MAF: variants seen among roughly 807,000 people sequenced by gnomAD.
MAF encodes the protein MAF bZIP transcription factor.
A neutral mutation model predicts 22.0 loss-of-function variants in MAF; 10 were observed. That is an observed-to-expected ratio of 0.45 (90% CI 0.28 to 0.77). The LOEUF (loss-of-function observed/expected upper bound fraction) is 0.77. Ranked by LOEUF, MAF falls within the 30% of genes least tolerant of loss-of-function variation. MAF has a pLI of 0.12. For missense variants in MAF, 544 were observed against 548.4 expected (o/e 0.99, Z 0.08); for synonymous variants, 337 against 255.8 (o/e 1.32, Z -3.03).
chr16:79,357,260 A>T, the MAF span, among the ~76,000 whole-genome samples: 33,122 of 130,586 alleles, frequency 0.25, 4,219 homozygotes, highest in Non-Finnish European at 0.31. Flanking sequence ...TGTCACAACA[A>T]CAACAACAAC....
chr16:79,219,928 A>G, the MAF span, among the ~76,000 whole-genome samples: 3 of 152,198 alleles, frequency 2.0e-5, no homozygotes, highest in African/African-American at 7.2e-5. Flanking sequence ...TCGTATTTAA[A>G]TAGAGTTAAT....
At chr16:79,443,225 C>A in the MAF span, among the ~76,000 whole-genome samples, 1 of 152,182 alleles carries the variant, frequency 6.6e-6, no homozygotes, top group Non-Finnish European at 1.5e-5. Context: ...TCCTCCTGGG[C>A]AAACTGTTAA....
the MAF span, among the ~76,000 whole-genome samples, chr16:79,361,857 G>C: frequency 2.6e-5 from 4 of 152,154 alleles, no homozygotes; most frequent in Non-Finnish European, 4.4e-5. Context: ...TTACAGAGAG[G>C]CATCTTGTCT....
At chr16:79,538,201 C>G in the MAF span, among the ~76,000 whole-genome samples, 2 of 152,084 alleles carry the variant, frequency 1.3e-5, no homozygotes, top group African/African-American at 4.8e-5. Context: ...GAGTTCTGTC[C>G]TATTTTAAGA....
the MAF span, among the ~76,000 whole-genome samples, chr16:79,409,221 A>G: frequency 6.6e-6 from 1 of 152,234 alleles, no homozygotes; most frequent in Non-Finnish European, 1.5e-5. Flanking sequence ...ATAGAAAAAA[A>G]CAATAATATT....
the MAF span, among the ~76,000 whole-genome samples, chr16:79,539,360 G>T: frequency 6.6e-6 from 1 of 152,078 alleles, no homozygotes; most frequent in Non-Finnish European, 1.5e-5. Flanking sequence ...GAAATTGGCC[G>T]GGCTTGGTGG....
chr16:79,380,922 T>C, the MAF span, among the ~76,000 whole-genome samples: 4 of 152,242 alleles, frequency 2.6e-5, no homozygotes, highest in African/African-American at 9.6e-5. Context: ...GCCTTCAGAC[T>C]GGCAATTATT....
the MAF span, among the ~76,000 whole-genome samples, chr16:79,343,472 C>T: frequency 1.3e-5 from 2 of 152,230 alleles, no homozygotes; most frequent in African/African-American, 4.8e-5. Flanking sequence ...TCCACGGAGT[C>T]CACAAAAAAT....
the MAF span, among the ~76,000 whole-genome samples, chr16:79,471,772 T>A: frequency 2.5e-4 from 38 of 152,224 alleles, no homozygotes; most frequent in Non-Finnish European, 5.4e-4. Flanking sequence ...TAAGTGGTCA[T>A]GTCAGGAATG....
chr16:79,352,378 G>A, the MAF span, among the ~76,000 whole-genome samples: 8 of 152,154 alleles, frequency 5.3e-5, no homozygotes, highest in Non-Finnish European at 1.0e-4. Context: ...CTGGGAGTAA[G>A]GAGGTGTCAT....
At chr16:79,572,297 T>C in the MAF span, among the ~76,000 whole-genome samples, 1 of 152,170 alleles carries the variant, frequency 6.6e-6, no homozygotes, top group Non-Finnish European at 1.5e-5. Flanking sequence ...TTGCCCTGCA[T>C]CTGCGATTGA....
chr16:79,552,630 C>G, the MAF span, among the ~76,000 whole-genome samples: 1 of 152,190 alleles, frequency 6.6e-6, no homozygotes, highest in Admixed American at 6.5e-5. Context: ...GCTCCCCTCC[C>G]CCTTGGGCCC....
At chr16:79,416,884 G>A in the MAF span, among the ~76,000 whole-genome samples, 185 of 152,166 alleles carry the variant, frequency 1.2e-3, 1 homozygote, top group Non-Finnish European at 8.8e-5. Context: ...GAAGATGGTA[G>A]ACAGCCTTTT....
At chr16:79,423,568 C>T in the MAF span, among the ~76,000 whole-genome samples, 1 of 152,228 alleles carries the variant, frequency 6.6e-6, no homozygotes, top group African/African-American at 2.4e-5. Flanking sequence ...TATTGGAATA[C>T]AGTCACACTC....
At chr16:79,382,645 T>C in the MAF span, among the ~76,000 whole-genome samples, 15 of 152,376 alleles carry the variant, frequency 9.8e-5, 1 homozygote, top group African/African-American at 3.6e-4. Context: ...ATTGGAATTA[T>C]CCATTCCATT....
At chr16:79,347,000 C>A in the MAF span, among the ~76,000 whole-genome samples, 2 of 152,090 alleles carry the variant, frequency 1.3e-5, no homozygotes, top group African/African-American at 4.8e-5. Flanking sequence ...ACAGATACAC[C>A]TGAATCTGAA....
the MAF span, among the ~76,000 whole-genome samples, chr16:79,444,280 A>G: frequency 6.6e-6 from 1 of 152,192 alleles, no homozygotes; most frequent in Admixed American, 6.5e-5. Flanking sequence ...GCCTAGGAGT[A>G]TGGACAATGC....
the MAF span, among the ~76,000 whole-genome samples, chr16:79,504,058 A>G: frequency 1.3e-5 from 2 of 152,146 alleles, no homozygotes; most frequent in Non-Finnish European, 2.9e-5. Context: ...AAGTTCTTCC[A>G]CTCATGTTCT....
the MAF span, among the ~76,000 whole-genome samples, chr16:79,512,623 G>C: frequency 2.2e-4 from 34 of 152,296 alleles, 1 homozygote; most frequent in African/African-American, 7.9e-4. Flanking sequence ...TGAATCCTAG[G>C]AAGGTGAGGG....
Sources: gnomAD v4.1 joint callset for allele counts (sites outside exome capture counted in the v4.1 genomes callset) on GRCh38, gnomAD v4.1.1 for gene constraint, MANE v1.5 for transcripts, NCBI Gene and HGNC (gene_info 2026-07-23, HGNC 2026-07-21) for gene names.